Variants in GALNTL6 observed in about 807,000 individuals in gnomAD.
The protein encoded by GALNTL6 is polypeptide N-acetylgalactosaminyltransferase like 6.
GALNTL6 carries 46 observed loss-of-function variants against 73.7 expected under a neutral mutation model. The observed-to-expected ratio is 0.62, with a 90% CI of 0.49 to 0.80. The LOEUF is 0.80. Ranked by LOEUF, GALNTL6 falls within the 30% of genes least tolerant of loss-of-function variation. The pLI is 0.00. For missense variants in GALNTL6, 604 were observed against 755.0 expected, an observed-to-expected ratio of 0.80 and a Z score of 2.34; for synonymous variants, 259 against 263.7, an observed-to-expected ratio of 0.98 and a Z score of 0.17.
Position 171,958,006 on chromosome 4 carries a change from T to G in GALNTL6, c.138+143288T>G, listed in dbSNP as rs569392022. ...CTGCATGTAAAACGTTTATGTTTTA[T>G]GATCAGAAAAGCACCTTTGTGTAAG... is the stretch of plus-strand genomic sequence containing the variant. On this transcript the variant is annotated intron_variant, in intron 2 of 12. Coordinates refer to ENST00000506823, the MANE Select transcript of GALNTL6 (RefSeq NM_001034845.3). 3.9e-5 allele frequency among the ~76,000 whole-genome samples: 6 copies of G among 152,346 alleles called. No individual in the cohort carries two copies. In the East Asian group the frequency reaches 1.2e-3, roughly 29 times the overall value.
At chr4:173,022,666 A>G (rs757995052) in intron 12 of GALNTL6, among the ~76,000 whole-genome samples, 2 of 152,180 alleles carry the variant, frequency 1.3e-5, no homozygotes, top group South Asian at 2.1e-4. Flanking sequence ...ACCCATTTAC[A>G]TTTTCACCAA....
intron 2 of GALNTL6, among the ~76,000 whole-genome samples, chr4:172,015,301 A>G (rs1741152498): frequency 6.6e-6 from 1 of 152,062 alleles, no homozygotes; most frequent in African/African-American, 2.4e-5. Context: ...CTTTATCATT[A>G]TATAATGTCC....
At chr4:171,910,972 T>C (rs1001358967) in intron 2 of GALNTL6, among the ~76,000 whole-genome samples, 1 of 152,166 alleles carries the variant, frequency 6.6e-6, no homozygotes, top group Non-Finnish European at 1.5e-5. Context: ...CTTTAGTTAT[T>C]GATATTCCTT....
chr4:172,033,170 G>GGAGAGA lies in GALNTL6; in HGVS notation c.139-196467_139-196462dup, dbSNP rs70941376. On this transcript the variant is annotated intron_variant, in intron 2 of 12. Coordinates refer to ENST00000506823, the MANE Select transcript of GALNTL6 (RefSeq NM_001034845.3). ...CCAAACAACTTTATTACACACACAC[G>GGAGAGA]GAGAGAGAGAGAGAGAGAGAGAGAT... 4.5e-3 allele frequency among the ~76,000 whole-genome samples: 658 copies of GGAGAGA among 146,458 alleles called. 4 individuals carry two copies. Among genetic ancestry groups the GGAGAGA allele is most frequent in the African/African-American group, 0.015 (622 of 40,164 alleles).
At chr4:172,619,232 C>G (rs927149909) in intron 5 of GALNTL6, among the ~76,000 whole-genome samples, 2 of 152,092 alleles carry the variant, frequency 1.3e-5, no homozygotes, top group Non-Finnish European at 2.9e-5. Context: ...GATTCCTACG[C>G]GCCCTTCATC....
chr4:172,776,585 G>GA (rs938167625), intron 5 of GALNTL6, among the ~76,000 whole-genome samples: 2 of 152,034 alleles, frequency 1.3e-5, no homozygotes, highest in Admixed American at 6.5e-5. Context: ...ATTAATCTGA[G>GA]AAAAAAATTA....
intron 10 of GALNTL6, among the ~76,000 whole-genome samples, chr4:173,004,167 G>A (rs946925409): frequency 3.3e-5 from 5 of 151,724 alleles, no homozygotes; most frequent in African/African-American, 7.3e-5. Context: ...CTGGGCAACA[G>A]AGCAAGACCC....
At chr4:172,289,799 G>C (rs1166769136) in intron 3 of GALNTL6, among the ~76,000 whole-genome samples, 1 of 152,176 alleles carries the variant, frequency 6.6e-6, no homozygotes, top group East Asian at 1.9e-4. Flanking sequence ...TAAGTGAGTA[G>C]TATATGGTTC....
intron 5 of GALNTL6, among the ~76,000 whole-genome samples, chr4:172,722,899 A>G (rs1735568713): frequency 1.3e-5 from 2 of 152,164 alleles, no homozygotes; most frequent in Admixed American, 1.3e-4. Flanking sequence ...TTGTGGCTTA[A>G]AACAGTACAA....
chr4:172,197,836 G>A (rs1047236072), intron 2 of GALNTL6, among the ~76,000 whole-genome samples: 7 of 152,184 alleles, frequency 4.6e-5, no homozygotes, highest in African/African-American at 7.2e-5. Flanking sequence ...TAGGCCGGAC[G>A]CGGTGGCTCA....
intron 3 of GALNTL6, among the ~76,000 whole-genome samples, chr4:172,240,390 AT>A (rs879731574): frequency 0.036 from 5,225 of 143,940 alleles, 280 homozygotes; most frequent in African/African-American, 0.12. Context: ...TGCCCGGCTA[AT>A]TTTTTTTTTT....
At chr4:172,966,079 A>G (rs755372282) in intron 10 of GALNTL6, among the ~76,000 whole-genome samples, 82 of 152,356 alleles carry the variant, frequency 5.4e-4, no homozygotes, top group Non-Finnish European at 6.0e-4. Context: ...AATTAAGAGA[A>G]TTGAATAGAA....
rs143453171 is a variant in GALNTL6, at chr4:172,934,194, G to A, written c.1149+2926G>A. On this transcript the variant is annotated intron_variant, in intron 9 of 12. Transcript: ENST00000506823. ...GGGAAGAGGAGGAAGTAGCGTCATA[G>A]CTGTGACCTTCTTCAGTCCTCTCAA... Among the ~76,000 whole-genome samples the A allele has an allele frequency of 1.9e-3, 290 of 152,264 alleles. No homozygotes were observed. The Middle Eastern group carries it at 0.02, about 11-fold the overall frequency.
At chr4:172,359,567 G>C (rs916264555) in intron 5 of GALNTL6, among the ~76,000 whole-genome samples, 1 of 152,094 alleles carries the variant, frequency 6.6e-6, no homozygotes, top group Non-Finnish European at 1.5e-5. Context: ...CTATGAATCA[G>C]ACTTGGTTTG....
intron 2 of GALNTL6, among the ~76,000 whole-genome samples, chr4:172,198,651 T>A (rs72998336): frequency 0.013 from 1,968 of 152,270 alleles, 38 homozygotes; most frequent in African/African-American, 0.044. Context: ...GAGTTAAAAG[T>A]GTTGCCAGTA....
At chr4:172,439,209 CA>C (rs1731743612) in intron 5 of GALNTL6, among the ~76,000 whole-genome samples, 1 of 130,212 alleles carries the variant, frequency 7.7e-6, no homozygotes, top group Admixed American at 7.9e-5. Flanking sequence ...CACACACACA[CA>C]CTTCTCACAT....
At chr4:172,599,306 A>G (rs1052902605) in intron 5 of GALNTL6, among the ~76,000 whole-genome samples, 1 of 151,510 alleles carries the variant, frequency 6.6e-6, no homozygotes, top group Middle Eastern at 3.4e-3. Flanking sequence ...TGAAAACCTC[A>G]TTTTGTCGTT....
intron 5 of GALNTL6, among the ~76,000 whole-genome samples, chr4:172,612,892 A>G (rs1448279886): frequency 1.3e-5 from 2 of 152,078 alleles, no homozygotes; most frequent in Non-Finnish European, 2.9e-5. Context: ...GTAAAATGAA[A>G]AAAGAACAGA....
intron 8 of GALNTL6, among the ~76,000 whole-genome samples, chr4:172,899,488 G>A (rs1001575462): frequency 6.8e-6 from 1 of 147,498 alleles, no homozygotes; most frequent in East Asian, 1.9e-4. Context: ...TTCTTCTGTT[G>A]TTATATCAAT....
Sources: allele counts gnomAD v4.1 joint callset (sites outside exome capture counted in the v4.1 genomes callset), GRCh38; gene constraint gnomAD v4.1.1; transcripts MANE v1.5; gene names NCBI Gene and HGNC (gene_info 2026-07-23, HGNC 2026-07-21).